Variants in CHRM3 observed in about 807,000 individuals in gnomAD.
CHRM3 encodes the protein cholinergic receptor muscarinic 3, also known as muscarinic acetylcholine receptor M3.
CHRM3 carries 11 observed loss-of-function variants against 41.8 expected under a neutral mutation model. That is an observed-to-expected ratio of 0.26 (90% confidence interval 0.17 to 0.44). The LOEUF is 0.44. CHRM3 is among the 20% of genes least tolerant of loss of function. CHRM3 has a pLI of 1.00. For missense variants in CHRM3, 571 were observed against 745.4 expected (o/e 0.77, Z 2.72); for synonymous variants, 297 against 301.4 (o/e 0.99, Z 0.15).
At chr1:239,669,809 A>G (rs189185498) in intron 4 of CHRM3, among the ~76,000 whole-genome samples, 17 of 152,342 alleles carry the variant, frequency 1.1e-4, no homozygotes, top group Middle Eastern at 3.4e-3. Flanking sequence ...AGCATATTCA[A>G]AAGCAGAGAG....
chr1:239,699,525 G>A (rs1660494917), intron 5 of CHRM3, among the ~76,000 whole-genome samples: 1 of 152,096 alleles, frequency 6.6e-6, no homozygotes, highest in African/African-American at 2.4e-5. Context: ...TCTTGATCTT[G>A]GACTTCCCAG....
intron 5 of CHRM3, among the ~76,000 whole-genome samples, chr1:239,813,925 A>AAAAAAAAAC (rs1671354363): frequency 6.8e-5 from 10 of 146,466 alleles, no homozygotes; most frequent in African/African-American, 2.7e-4. Context: ...TCAAAAAAAA[A>AAAAAAAAAC]AAAAAAAAAC....
At chr1:239,642,419 T>G (rs1399494579) in intron 4 of CHRM3, among the ~76,000 whole-genome samples, 2 of 152,190 alleles carry the variant, frequency 1.3e-5, no homozygotes, top group South Asian at 2.1e-4. Context: ...GATGTAGATT[T>G]GGTCTTTTGA....
At chr1:239,572,622 C>T (rs182191241) in intron 3 of CHRM3, among the ~76,000 whole-genome samples, 100 of 152,196 alleles carry the variant, frequency 6.6e-4, no homozygotes, top group Admixed American at 1.5e-3. Context: ...GATTTCTGTT[C>T]TCATTAGGTA....
At chr1:239,489,917 C>G (rs1667449436) in intron 1 of CHRM3, among the ~76,000 whole-genome samples, 1 of 152,178 alleles carries the variant, frequency 6.6e-6, no homozygotes, top group Non-Finnish European at 1.5e-5. Context: ...GTTCTCACCT[C>G]TTCCCATGCA....
rs990630543 is a variant in CHRM3, at chr1:239,483,004, C to T, written c.-520-9705C>T. Among the ~76,000 whole-genome samples, 5 of 152,232 alleles carry T rather than the reference C, an allele frequency of 3.3e-5. No homozygotes were observed. In the East Asian group the frequency reaches 7.7e-4, roughly 23 times the overall value. On this transcript the variant is annotated intron_variant, in intron 1 of 6. Coordinates refer to ENST00000676153, the MANE Select transcript of CHRM3 (RefSeq NM_001375978.1). ...TGCTATTCGCTTCTGATTTCACAAT[C>T]GAGTTTGTAAAAGACACTATTTGAA...
At chr1:239,831,984 A>G (rs1208294025) in intron 6 of CHRM3, among the ~76,000 whole-genome samples, 1 of 152,222 alleles carries the variant, frequency 6.6e-6, no homozygotes, top group East Asian at 1.9e-4. Flanking sequence ...TTACTGAAAG[A>G]CCATCACACT....
intron 4 of CHRM3, among the ~76,000 whole-genome samples, chr1:239,642,556 A>T (rs187083318): frequency 3.9e-5 from 6 of 152,262 alleles, no homozygotes; most frequent in Admixed American, 3.3e-4. Flanking sequence ...AGTTGATCGC[A>T]TCGGCTCCTG....
intron 3 of CHRM3, among the ~76,000 whole-genome samples, chr1:239,618,345 G>A (rs1667890696): frequency 6.8e-6 from 1 of 147,098 alleles, no homozygotes; most frequent in South Asian, 2.2e-4. Context: ...GCCCAAATGG[G>A]AAATGCAAGC....
Position 239,908,534 on chromosome 1 carries a change from G to A in CHRM3, c.1083G>A (p.Thr361=), listed in dbSNP as rs113991226. ...SSDEEDIGSE[T]RAIYSIVLKL... ...ACGAGGAGGACATTGGCTCCGAGAC[G>A]AGAGCCATCTACTCCATCGTGCTCA... Residue 361 remains threonine, a synonymous_variant, in exon 7 of 7, where the codon ACG becomes ACA. Transcript: ENST00000676153. The surrounding 1 kb of genome is among the most constrained non-coding windows in gnomAD (Gnocchi z 7.2). 2.4e-4 allele frequency: 380 copies of A among 1,588,936 alleles called. 2 individuals carry two copies. In the African/African-American group the frequency reaches 3.1e-3, roughly 13 times the overall value.
rs541244796 is a variant in CHRM3, at chr1:239,842,474, A to G, written c.-20+15096A>G. Among the ~76,000 whole-genome samples the G allele has an allele frequency of 1.4e-3, 220 of 152,254 alleles. 1 individual carries two copies. The highest frequency in any genetic ancestry group is 1.2e-3 in the Admixed American group (18 of 15,278). On this transcript the variant is annotated intron_variant, in intron 6 of 6. Transcript: ENST00000676153. ...AGTCTCGAACTCCTGACATCAGGTGATCCGCCTGCCTTGGCCTCCCAAAGT... is the reference window on the plus strand; with the variant it reads ...AGTCTCGAACTCCTGACATCAGGTGGTCCGCCTGCCTTGGCCTCCCAAAGT...
intron 6 of CHRM3, among the ~76,000 whole-genome samples, chr1:239,850,643 G>C (rs1281721608): frequency 6.6e-6 from 1 of 152,080 alleles, no homozygotes; most frequent in Non-Finnish European, 1.5e-5. Flanking sequence ...CACGTGTTTC[G>C]GGAGGGACCT....
intron 4 of CHRM3, among the ~76,000 whole-genome samples, chr1:239,640,497 G>A (rs543006959): frequency 5.7e-4 from 86 of 152,130 alleles, no homozygotes; most frequent in African/African-American, 1.8e-3. Flanking sequence ...GTCTTGGGAG[G>A]GTGTATGTGT....
chr1:239,714,685 G>A (rs538111969), intron 5 of CHRM3, among the ~76,000 whole-genome samples: 1 of 152,282 alleles, frequency 6.6e-6, no homozygotes, highest in African/African-American at 2.4e-5. Context: ...TAAGCCAGGG[G>A]TGATACAATC....
intron 4 of CHRM3, among the ~76,000 whole-genome samples, chr1:239,665,130 T>C (rs1005963649): frequency 1.1e-4 from 16 of 147,102 alleles, no homozygotes; most frequent in African/African-American, 4.1e-4. Flanking sequence ...TTTCTTATGC[T>C]GGCATTTCCA....
chr1:239,849,382 G>A (rs1219574314), intron 6 of CHRM3, among the ~76,000 whole-genome samples: 1 of 152,148 alleles, frequency 6.6e-6, no homozygotes, highest in Non-Finnish European at 1.5e-5. Flanking sequence ...CCCATTATAG[G>A]TGCAGCACAC....
At chr1:239,686,535 C>A (rs113182554) in intron 5 of CHRM3, among the ~76,000 whole-genome samples, 1 of 152,096 alleles carries the variant, frequency 6.6e-6, no homozygotes, top group Non-Finnish European at 1.5e-5. Flanking sequence ...CCATGTCTTT[C>A]CCCAGAGCCC....
chr1:239,601,644 C>A (rs530745291), intron 3 of CHRM3, among the ~76,000 whole-genome samples: 3 of 151,940 alleles, frequency 2.0e-5, no homozygotes, highest in South Asian at 2.1e-4. Context: ...GTAGGAAATA[C>A]TCTGACAAAC....
chr1:239,527,156 A>T (rs943028506), intron 2 of CHRM3, among the ~76,000 whole-genome samples: 1 of 152,118 alleles, frequency 6.6e-6, no homozygotes, highest in Non-Finnish European at 1.5e-5. Context: ...AGAAAGCCAT[A>T]AGTCTTTTAC....
Sources: allele counts gnomAD v4.1 joint callset (sites outside exome capture counted in the v4.1 genomes callset), GRCh38; gene constraint gnomAD v4.1.1; non-coding constraint Gnocchi (gnomAD v3.1); transcripts MANE v1.5; gene names NCBI Gene and HGNC (gene_info 2026-07-23, HGNC 2026-07-21).